The following AKT2 variants were observed in gnomAD, a reference collection of about 807,000 sequenced individuals.
AKT2 encodes the protein RAC-beta serine/threonine-protein kinase.
Under a neutral mutation model 58.6 loss-of-function variants are expected in AKT2, and 16 were observed. The ratio of observed to expected loss-of-function variants is 0.27; its 90% CI spans 0.18 to 0.41. The LOEUF is 0.41. Among genes scored for constraint, AKT2 ranks in the 10% least tolerant of loss-of-function variants. The probability of loss-of-function intolerance (pLI) is 1.00; values close to 1 mark genes in which losing one functional copy is unlikely to be tolerated. For synonymous variants in AKT2, 253 were observed against 254.0 expected (o/e 1.00, Z 0.04); for missense variants, 438 against 661.0 (o/e 0.66, Z 3.70).
chr19:40,278,123 G>A (rs1258463714), intron 1 of AKT2, among the ~76,000 whole-genome samples: 1 of 152,332 alleles, frequency 6.6e-6, no homozygotes, highest in East Asian at 1.9e-4. Flanking sequence ...CTCTGTCTAG[G>A]AGAAGAGAAA....
intron 4 of AKT2, among the ~76,000 whole-genome samples, chr19:40,245,180 T>C (rs1053171636): frequency 2.6e-5 from 4 of 152,100 alleles, no homozygotes; most frequent in Non-Finnish European, 4.4e-5. Flanking sequence ...ATTCTGCAGC[T>C]GGGGGAAAGA....
intron 4 of AKT2, chr19:40,244,082 AT>A (rs2145217461): frequency 6.7e-6 from 1 of 148,222 alleles, no homozygotes; most frequent in African/African-American, 2.5e-5. Flanking sequence ...AATAATAATA[AT>A]AATAATAATA....
intron 3 of AKT2, among the ~76,000 whole-genome samples, chr19:40,256,165 G>A (rs199816322): frequency 6.6e-6 from 1 of 152,192 alleles, no homozygotes; most frequent in East Asian, 1.9e-4. Flanking sequence ...GAGACACTGA[G>A]GTTGGGAACA....
chr19:40,236,628 C>T, intron 9 of AKT2: 1 of 569,010 alleles, frequency 1.8e-6, no homozygotes, highest in South Asian at 2.0e-5. Flanking sequence ...AGAGCCAGGC[C>T]CTGTCCACCC....
rs1402574434 is a variant in AKT2, at chr19:40,265,336, G to A, written c.-69C>T. The stretch of plus-strand genomic sequence containing the variant: ...GGCAGCAGGACATGCAGGAGGCACC[G>A]TGGACAGGGCACAGTCTGCAAGACA... On this transcript the variant is annotated 5_prime_UTR_variant, in exon 2 of 14. The change creates a new upstream start codon in the 5' untranslated region. Coordinates refer to ENST00000392038, the MANE Select transcript of AKT2 (RefSeq NM_001626.6). 16 of 1,583,630 alleles carry A rather than the reference G, an allele frequency of 1.0e-5. No individual in the cohort carries two copies. Among genetic ancestry groups the A allele is most frequent in the Admixed American group, 3.6e-5 (2 of 55,212 alleles).
intron 2 of AKT2, among the ~76,000 whole-genome samples, chr19:40,263,723 G>A (rs1221618684): frequency 5.3e-5 from 8 of 152,200 alleles, no homozygotes; most frequent in Non-Finnish European, 1.0e-4. Flanking sequence ...ATCCCTCATC[G>A]CTGCTCCCTG....
chr19:40,232,065 C>A lies in AKT2; in HGVS notation c.*1807G>T. On this transcript the variant is annotated 3_prime_UTR_variant, in exon 14 of 14. Transcript: ENST00000392038. Reference sequence around the variant, plus strand: ...TCCACCCCACCTCTCTTAGCCTAAGCAGCACTGAGGGCCTGGAGTGGTCTC... The same window carrying A: ...TCCACCCCACCTCTCTTAGCCTAAGAAGCACTGAGGGCCTGGAGTGGTCTC... 1 of 233,774 alleles carries A rather than the reference C, an allele frequency of 4.3e-6. No individual in the cohort carries two copies. Among genetic ancestry groups the A allele is most frequent in the Non-Finnish European group, 8.4e-6 (1 of 118,354 alleles). 14.5% of individuals were successfully genotyped at this position (233,774 alleles called of 1,614,324 possible).
At chr19:40,257,966 G>T (rs145928006) in intron 2 of AKT2, among the ~76,000 whole-genome samples, 35 of 152,246 alleles carry the variant, frequency 2.3e-4, no homozygotes, top group African/African-American at 8.4e-4. Context: ...GAAAAGTAGG[G>T]CCCGGCACGG....
chr19:40,250,376 G>A (rs1322369514), intron 4 of AKT2, among the ~76,000 whole-genome samples: 1 of 151,912 alleles, frequency 6.6e-6, no homozygotes, highest in East Asian at 1.9e-4. Flanking sequence ...GGTGGCGCGT[G>A]CCTGTAATCC....
rs1468774095 is a variant in AKT2, at chr19:40,230,996, TA to T, written c.*2875del. 5.5e-5 allele frequency: 11 copies of T among 201,282 alleles called. No individual in the cohort carries two copies. Among genetic ancestry groups the T allele is most frequent in the Non-Finnish European group, 1.0e-4 (10 of 97,850 alleles). The allele number at this position is 201,282 out of a possible 1,614,324, so 12.5% of individuals were successfully genotyped here. A position where few individuals can be genotyped will look rare whatever the true frequency, so the allele number is the denominator to read the frequency against. On this transcript the variant is annotated 3_prime_UTR_variant, in exon 14 of 14. Coordinates refer to ENST00000392038, the MANE Select transcript of AKT2 (RefSeq NM_001626.6). ...CCTCGGCCTCCCAAATTGCTGGGAT[TA>T]CAGGCATGAGCCACTGTGCCCAGTC...
chr19:40,260,398 G>C (rs907181406), intron 2 of AKT2, among the ~76,000 whole-genome samples: 1 of 151,962 alleles, frequency 6.6e-6, no homozygotes, highest in Non-Finnish European at 1.5e-5. Flanking sequence ...TTGGGAGGCC[G>C]AGGTGGGCGG....
chr19:40,274,657 C>A, intron 1 of AKT2: 8 of 241,766 alleles, frequency 3.3e-5, no homozygotes, highest in South Asian at 2.8e-4. Flanking sequence ...GCAGCGCAGT[C>A]TGAGCAAAAC....
At position 40,285,275 on chromosome 19, in the gene AKT2, G is replaced by A; in HGVS notation, c.-179C>T. 1 of 395,020 alleles carries A rather than the reference G, an allele frequency of 2.5e-6. No individual in the cohort carries two copies. Among genetic ancestry groups the A allele is most frequent in the Admixed American group, 4.4e-5 (1 of 22,560 alleles). The allele number at this position is 395,020 out of a possible 1,614,324, so 24.5% of individuals were successfully genotyped here. A position where few individuals can be genotyped will look rare whatever the true frequency, so the allele number is the denominator to read the frequency against. On this transcript the variant is annotated 5_prime_UTR_variant, in exon 1 of 14. Coordinates refer to ENST00000392038, the MANE Select transcript of AKT2 (RefSeq NM_001626.6). ...CCCTTTCCTTGTGTTTCCCGGCAGC[G>A]GCAACGGCGCCGGCAGCGGCAGCGG...
chr19:40,230,670 T>C lies in AKT2; in HGVS notation c.*3202A>G, dbSNP rs1568505872. The C allele has an allele frequency of 4.5e-6, 1 of 223,256 alleles. No individual in the cohort carries two copies. Among genetic ancestry groups the C allele is most frequent in the Non-Finnish European group, 8.9e-6 (1 of 111,796 alleles). The allele number at this position is 223,256 out of a possible 1,614,324, so 13.8% of individuals were successfully genotyped here. On this transcript the variant is annotated 3_prime_UTR_variant, in exon 14 of 14. Coordinates refer to ENST00000392038, the MANE Select transcript of AKT2 (RefSeq NM_001626.6). The stretch of plus-strand genomic sequence containing the variant: ...GCCCTGCGACCTCGGGTGAATTTCC[T>C]TTCTTATACTCCTGCTTTGCTGTCT...
At chr19:40,275,422 GAGCACTCACAA>G in intron 1 of AKT2, 1 of 414,238 alleles carries the variant, frequency 2.4e-6, no homozygotes, top group Non-Finnish European at 5.0e-6. Flanking sequence ...AATACTCAGT[GAGCACTCACAA>G]AGCACCAGGC....
rs774848793 is a variant in AKT2 at position 40,238,861 on chromosome 19, A to C, written c.708+44T>G. 6.3e-7 allele frequency: 1 copy of C among 1,598,172 alleles called. No homozygotes were observed. The highest frequency in any genetic ancestry group is 8.6e-7 in the Non-Finnish European group (1 of 1,165,708). ...TCCTCTCCATCCCGCCCCACCCTAA[A>C]GAAGGAGGCCCCAGAGGGCAAAGTC... On this transcript the variant is annotated intron_variant, in intron 8 of 13. Coordinates refer to ENST00000392038, the MANE Select transcript of AKT2 (RefSeq NM_001626.6). This position sits in a 1 kb window ranked among gnomAD's most constrained non-coding sequence, Gnocchi z 5.1.
rs1199230263 is a variant in AKT2, at chr19:40,257,573, C to T, written c.47-519G>A. 8.3e-5 allele frequency among the ~76,000 whole-genome samples: 11 copies of T among 131,978 alleles called. No individual in the cohort carries two copies. In the East Asian group the frequency reaches 2.4e-3, roughly 29 times the overall value. The allele number at this position is 131,978 out of a possible 152,430, so 86.6% of individuals were successfully genotyped here. On this transcript the variant is annotated intron_variant, in intron 2 of 13. Transcript: ENST00000392038. Reference sequence around the variant, plus strand: ...GTTCTTCACCATGAATATCCAAGCACCCTATGCACACAAACACACACACAC... The same window carrying T: ...GTTCTTCACCATGAATATCCAAGCATCCTATGCACACAAACACACACACAC...
chr19:40,250,146 G>A (rs941411546), intron 4 of AKT2, among the ~76,000 whole-genome samples: 9 of 152,212 alleles, frequency 5.9e-5, no homozygotes, highest in Non-Finnish European at 1.3e-4. Context: ...CACGGACCTT[G>A]GAGTTTACTC....
At chr19:40,271,741 T>C (rs1030044766) in intron 1 of AKT2, among the ~76,000 whole-genome samples, 3 of 152,198 alleles carry the variant, frequency 2.0e-5, no homozygotes, top group African/African-American at 7.2e-5. Flanking sequence ...CATTTGGGGA[T>C]AGAGAATCCC....
Sources: gnomAD v4.1 joint callset for allele counts (sites outside exome capture counted in the v4.1 genomes callset) on GRCh38, gnomAD v4.1.1 for gene constraint, Gnocchi (gnomAD v3.1) non-coding constraint, MANE v1.5 for transcripts, NCBI Gene and HGNC (gene_info 2026-07-23, HGNC 2026-07-21) for gene names.